Variants in LOC400499 observed in about 807,000 individuals in gnomAD.
At chr16:11,450,707 T>C in the LOC400499 span, 5 of 1,536,128 alleles carry the variant, frequency 3.3e-6, no homozygotes, top group East Asian at 2.4e-5. Context: ...TCCTTTAGGG[T>C]CCAGGCCTTG....
the LOC400499 span, among the ~76,000 whole-genome samples, chr16:11,422,533 A>G: frequency 1.4e-5 from 2 of 147,542 alleles, no homozygotes; most frequent in Non-Finnish European, 3.0e-5. Flanking sequence ...TCACTGCCTG[A>G]GCATGCAGCA....
chr16:11,432,540 C>T, the LOC400499 span, among the ~76,000 whole-genome samples: 7 of 152,096 alleles, frequency 4.6e-5, no homozygotes, highest in South Asian at 2.1e-4. Flanking sequence ...TAGAATTAAA[C>T]GAACTTTGGA....
the LOC400499 span, chr16:11,514,524 G>A: frequency 2.5e-5 from 10 of 399,824 alleles, no homozygotes; most frequent in South Asian, 1.3e-4. Context: ...CAGGTCAGGC[G>A]GGAGGTCAGG....
At chr16:11,398,299 C>T in the LOC400499 span, 9 of 1,230,216 alleles carry the variant, frequency 7.3e-6, no homozygotes, top group South Asian at 3.3e-4. Flanking sequence ...TGCCCCCTCA[C>T]CATGGGTCCC....
the LOC400499 span, among the ~76,000 whole-genome samples, chr16:11,397,350 T>G: frequency 2.6e-5 from 4 of 152,222 alleles, no homozygotes; most frequent in Non-Finnish European, 2.9e-5. Context: ...CTCAGCTCAC[T>G]GCAACCTCCG....
the LOC400499 span, among the ~76,000 whole-genome samples, chr16:11,439,089 T>C: frequency 6.6e-6 from 1 of 152,048 alleles, no homozygotes; most frequent in African/African-American, 2.4e-5. Context: ...GCCACAAATT[T>C]GGTGGGGGGG....
At chr16:11,392,605 A>G in the LOC400499 span, 3 of 430,338 alleles carry the variant, frequency 7.0e-6, no homozygotes, top group Non-Finnish European at 1.2e-5. Flanking sequence ...CCAAGCCTCA[A>G]GGCCCTAGGA....
chr16:11,397,336 C>T, the LOC400499 span, among the ~76,000 whole-genome samples: 3 of 152,172 alleles, frequency 2.0e-5, no homozygotes, highest in South Asian at 2.1e-4. Flanking sequence ...TACAATGGCA[C>T]GATCTCAGCT....
chr16:11,432,882 A>G, the LOC400499 span, among the ~76,000 whole-genome samples: 3 of 152,230 alleles, frequency 2.0e-5, no homozygotes, highest in Admixed American at 6.5e-5. Context: ...TGAGCTCTAA[A>G]TAACACAGAG....
At chr16:11,447,445 T>G in the LOC400499 span, among the ~76,000 whole-genome samples, 4,029 of 152,200 alleles carry the variant, frequency 0.026, 168 homozygotes, top group African/African-American at 0.092. Flanking sequence ...TGGTCCATAG[T>G]ATGTGCTCAA....
At chr16:11,404,761 G>A in the LOC400499 span, 1 of 398,930 alleles carries the variant, frequency 2.5e-6, no homozygotes, top group Non-Finnish European at 4.4e-6. Flanking sequence ...CTCCCGGTGA[G>A]GGCCACCTCC....
At chr16:11,425,365 C>A in the LOC400499 span, 2 of 399,424 alleles carry the variant, frequency 5.0e-6, no homozygotes, top group Non-Finnish European at 4.4e-6. Flanking sequence ...GTGCCGTTCC[C>A]TGCCTTCTCA....
the LOC400499 span, among the ~76,000 whole-genome samples, chr16:11,478,890 C>T: frequency 6.6e-6 from 1 of 152,102 alleles, no homozygotes; most frequent in African/African-American, 2.4e-5. Context: ...TCAGGAGATT[C>T]TATGGTTTTA....
At chr16:11,396,594 C>T in the LOC400499 span, 6 of 1,232,166 alleles carry the variant, frequency 4.9e-6, no homozygotes, top group Non-Finnish European at 6.1e-6. Context: ...TGGTCTGGGT[C>T]TGGTGCAAGG....
chr16:11,488,818 G>T, the LOC400499 span: 2 of 398,974 alleles, frequency 5.0e-6, no homozygotes, highest in Non-Finnish European at 8.8e-6. Flanking sequence ...GTTTCAGGGG[G>T]TCGTGCGTCT....
chr16:11,397,699 T>C, the LOC400499 span, among the ~76,000 whole-genome samples: 1 of 147,920 alleles, frequency 6.8e-6, no homozygotes. Context: ...GCCTAAAATA[T>C]ATGCTATCTG....
At chr16:11,482,579 A>T in the LOC400499 span, among the ~76,000 whole-genome samples, 2 of 152,194 alleles carry the variant, frequency 1.3e-5, no homozygotes, top group Non-Finnish European at 2.9e-5. Flanking sequence ...AATATTTCTG[A>T]GTTACATATC....
the LOC400499 span, chr16:11,485,214 G>A: frequency 2.5e-6 from 1 of 397,460 alleles, no homozygotes; most frequent in Admixed American, 4.4e-5. Context: ...CCTGGGCTGA[G>A]GTTCGGGGAC....
the LOC400499 span, among the ~76,000 whole-genome samples, chr16:11,449,599 T>TTG: frequency 6.6e-6 from 1 of 152,202 alleles, no homozygotes; most frequent in Non-Finnish European, 1.5e-5. Flanking sequence ...CCACCATCCC[T>TTG]TGTTCACACA....
Sources: gnomAD v4.1 joint callset for allele counts (sites outside exome capture counted in the v4.1 genomes callset) on GRCh38, gnomAD v4.1.1 for gene constraint, MANE v1.5 for transcripts.